Variants in NT5E observed in about 807,000 individuals in gnomAD.
NT5E encodes the protein 5'-nucleotidase.
A neutral mutation model predicts 55.1 loss-of-function variants in NT5E; 53 were observed. The observed-to-expected ratio is 0.96, with a 90% CI of 0.77 to 1.21. The LOEUF is 1.21. NT5E is among the 50% of genes most tolerant of loss of function. The pLI is 0.00. For synonymous variants in NT5E, 270 were observed against 278.4 expected, an observed-to-expected ratio of 0.97 and a Z score of 0.30; for missense variants, 683 against 724.3, an observed-to-expected ratio of 0.94 and a Z score of 0.65.
rs1424657483 is a variant in NT5E, at chr6:85,495,617, T to C, written c.*1613T>C. On this transcript the variant is annotated 3_prime_UTR_variant, in exon 9 of 9. Transcript: ENST00000257770. ...AAATTAGAGAAAGTCACATTTAGGG[T>C]TTATTTTTTACACTTGGCCAGTAAA... is the stretch of plus-strand genomic sequence containing the variant. 1 of 152,170 alleles carries C rather than the reference T, an allele frequency of 6.6e-6. No individual in the cohort carries two copies. The highest frequency in any genetic ancestry group is 1.5e-5 in the Non-Finnish European group (1 of 68,036). 9.4% of individuals were successfully genotyped at this position (152,170 alleles called of 1,614,324 possible). A position where few individuals can be genotyped will look rare whatever the true frequency, so the allele number is the denominator to read the frequency against.
chr6:85,488,024 T>G (rs943553433), intron 5 of NT5E, among the ~76,000 whole-genome samples: 1 of 152,246 alleles, frequency 6.6e-6, no homozygotes, highest in African/African-American at 2.4e-5. Context: ...TTGGCCAGAC[T>G]GTTTTTCACT....
Position 85,450,097 on chromosome 6 carries a change from G to T in NT5E, c.-43G>T, listed in dbSNP as rs2127752754. The stretch of plus-strand genomic sequence containing the variant: ...TGCTCGCCCCTACTCGCCGGCACTC[G>T]CCCGGCTCGCCCGCTTTCGCACCCA... On this transcript the variant is annotated 5_prime_UTR_variant, in exon 1 of 9. Transcript: ENST00000257770. The surrounding 1 kb of genome is among the most constrained non-coding windows in gnomAD (Gnocchi z 4.0). 5.3e-6 allele frequency: 8 copies of T among 1,499,250 alleles called. No homozygotes were observed. The highest frequency in any genetic ancestry group is 7.2e-6 in the Non-Finnish European group (8 of 1,115,032). The allele number at this position is 1,499,250 out of a possible 1,614,324, so 92.9% of individuals were successfully genotyped here. A position where few individuals can be genotyped will look rare whatever the true frequency, so the allele number is the denominator to read the frequency against.
chr6:85,455,264 G>C (rs975847893), intron 1 of NT5E, among the ~76,000 whole-genome samples: 22 of 152,220 alleles, frequency 1.4e-4, no homozygotes, highest in African/African-American at 5.3e-4. Context: ...CTGGGTTTAT[G>C]CTCCTGCAGA....
intron 2 of NT5E, 96 bp from the exon 3 acceptor site, chr6:85,471,141 A>T: frequency 1.3e-6 from 1 of 799,830 alleles, no homozygotes. Flanking sequence ...GAGCTTTAGT[A>T]AATTAAGGTG....
At position 85,450,122 on chromosome 6, in the gene NT5E, A is replaced by G. The variant is rs1442507262; in HGVS notation, c.-18A>G. The G allele has an allele frequency of 2.6e-6, 4 of 1,548,922 alleles. No homozygotes were observed. Among genetic ancestry groups the G allele is most frequent in the Non-Finnish European group, 3.5e-6 (4 of 1,151,352 alleles). On this transcript the variant is annotated 5_prime_UTR_variant, in exon 1 of 9. Coordinates refer to ENST00000257770, the MANE Select transcript of NT5E (RefSeq NM_002526.4). The surrounding 1 kb of genome is among the most constrained non-coding windows in gnomAD (Gnocchi z 4.0). Reference sequence around the variant, plus strand: ...GCCCGGCTCGCCCGCTTTCGCACCCAGTTCACGCGCCACAGCTATGTGTCC... The same window carrying G: ...GCCCGGCTCGCCCGCTTTCGCACCCGGTTCACGCGCCACAGCTATGTGTCC...
At chr6:85,492,951 T>A (rs1388041418) in intron 8 of NT5E, among the ~76,000 whole-genome samples, 1 of 152,156 alleles carries the variant, frequency 6.6e-6, no homozygotes, top group Non-Finnish European at 1.5e-5. Context: ...CAGCCCTTCC[T>A]GGGAGGAAAG....
intron 3 of NT5E, among the ~76,000 whole-genome samples, chr6:85,472,567 C>T (rs956132367): frequency 2.6e-5 from 4 of 152,162 alleles, no homozygotes; most frequent in African/African-American, 9.7e-5. Flanking sequence ...AATCTGCTAG[C>T]TTAGCTTCAA....
Position 85,494,073 on chromosome 6 carries a change from AG to A in NT5E, c.*71del. On this transcript the variant is annotated 3_prime_UTR_variant, in exon 9 of 9. Transcript: ENST00000257770. The stretch of plus-strand genomic sequence containing the variant: ...CAAGTGAGATTCAAATCTGCCTTTT[AG>A]GACCTGGCTTTGTGACAGCAAAAAC... 6.7e-7 allele frequency: 1 copy of A among 1,501,374 alleles called. No homozygotes were observed. Among genetic ancestry groups the A allele is most frequent in the Non-Finnish European group, 9.2e-7 (1 of 1,083,376 alleles). The allele number at this position is 1,501,374 out of a possible 1,614,324, so 93.0% of individuals were successfully genotyped here. A position where few individuals can be genotyped will look rare whatever the true frequency, so the allele number is the denominator to read the frequency against.
intron 2 of NT5E, among the ~76,000 whole-genome samples, chr6:85,467,750 G>A (rs1769223278): frequency 6.6e-6 from 1 of 151,958 alleles, no homozygotes; most frequent in South Asian, 2.1e-4. Flanking sequence ...TCGTTTTAAT[G>A]ACATTCTTGT....
intron 1 of NT5E, among the ~76,000 whole-genome samples, chr6:85,464,658 C>A (rs775128762): frequency 1.3e-4 from 20 of 152,080 alleles, no homozygotes; most frequent in Non-Finnish European, 2.6e-4. Flanking sequence ...GTCAGGTTTG[C>A]ATTTGAGAAA....
rs1226571158 is a variant in NT5E at position 85,471,322 on chromosome 6, T to C, written c.648T>C (p.Ile216=). ...AAACTCTAAATGTGAACAAAATTAT[T>C]GCACTGGGACATTCGGGTTTTGAAA... ...KLKTLNVNKI[I]ALGHSGFEMD... Residue 216 remains isoleucine, a synonymous_variant, in exon 3 of 9, where the codon ATT becomes ATC. Transcript: ENST00000257770. The C allele has an allele frequency of 6.2e-7, 1 of 1,613,094 alleles. No homozygotes were observed. Among genetic ancestry groups the C allele is most frequent in the Non-Finnish European group, 8.5e-7 (1 of 1,179,262 alleles).
At chr6:85,485,177 A>G in intron 3 of NT5E, 58 bp from the exon 4 acceptor site, 2 of 1,550,768 alleles carry the variant, frequency 1.3e-6, no homozygotes, top group Non-Finnish European at 1.8e-6. Flanking sequence ...CCGCTGGCCT[A>G]CAGCCAGCCA....
chr6:85,455,667 C>G (rs1482687582), intron 1 of NT5E, among the ~76,000 whole-genome samples: 1 of 152,170 alleles, frequency 6.6e-6, no homozygotes, highest in Non-Finnish European at 1.5e-5. Context: ...TGATTTATAG[C>G]CATTCAGCCA....
At chr6:85,459,768 T>C (rs1769056900) in intron 1 of NT5E, among the ~76,000 whole-genome samples, 1 of 152,200 alleles carries the variant, frequency 6.6e-6, no homozygotes, top group African/African-American at 2.4e-5. Flanking sequence ...CTTCTGGGGG[T>C]ATTTGTCAAT....
chr6:85,490,100 C>T (rs1318822669), intron 6 of NT5E, among the ~76,000 whole-genome samples: 5 of 152,234 alleles, frequency 3.3e-5, no homozygotes, highest in Non-Finnish European at 7.3e-5. Context: ...CCCTGATTTA[C>T]TGTGAAAACC....
chr6:85,490,712 C>A (rs1769765144), intron 7 of NT5E, 55 bp downstream of exon 7: 24 of 1,602,562 alleles, frequency 1.5e-5, no homozygotes, highest in Non-Finnish European at 1.8e-5. Context: ...GCATTTCCTG[C>A]TGGTTGGCTC....
Position 85,450,086 on chromosome 6 carries a change from C to T in NT5E, c.-54C>T. 6.9e-7 allele frequency: 1 copy of T among 1,442,546 alleles called. No individual in the cohort carries two copies. The highest frequency in any genetic ancestry group is 9.4e-7 in the Non-Finnish European group (1 of 1,065,274). 89.4% of individuals were successfully genotyped at this position (1,442,546 alleles called of 1,614,324 possible). A position where few individuals can be genotyped will look rare whatever the true frequency, so the allele number is the denominator to read the frequency against. On this transcript the variant is annotated 5_prime_UTR_variant, in exon 1 of 9. Transcript: ENST00000257770. The surrounding 1 kb of genome is among the most constrained non-coding windows in gnomAD (Gnocchi z 4.0). ...CCGGCCCTAGCTGCTCGCCCCTACT[C>T]GCCGGCACTCGCCCGGCTCGCCCGC...
chr6:85,475,628 T>G (rs1429799312), intron 3 of NT5E, among the ~76,000 whole-genome samples: 1 of 152,178 alleles, frequency 6.6e-6, no homozygotes. Context: ...GTAAAATCAG[T>G]GCAGGTTGAA....
At chr6:85,463,777 T>C (rs1348217359) in intron 1 of NT5E, among the ~76,000 whole-genome samples, 2 of 152,200 alleles carry the variant, frequency 1.3e-5, no homozygotes, top group Non-Finnish European at 2.9e-5. Context: ...GTGAGTAGCA[T>C]GATCCTGAAG....
Sources: allele counts gnomAD v4.1 joint callset (sites outside exome capture counted in the v4.1 genomes callset), GRCh38; gene constraint gnomAD v4.1.1; non-coding constraint Gnocchi (gnomAD v3.1); transcripts MANE v1.5; gene names NCBI Gene and HGNC (gene_info 2026-07-23, HGNC 2026-07-21).